PCDHGA2: variants seen among roughly 807,000 people sequenced by gnomAD.
PCDHGA2 encodes the protein protocadherin gamma-A2.
PCDHGA2 carries 40 observed loss-of-function variants against 59.2 expected under a neutral mutation model. The observed-to-expected ratio is 0.68, with a 90% confidence interval of 0.52 to 0.88. The LOEUF (loss-of-function observed/expected upper bound fraction) is 0.88. Ranked by LOEUF, PCDHGA2 falls within the 40% of genes least tolerant of loss-of-function variation. PCDHGA2 has a pLI of 0.00. For missense variants in PCDHGA2, 1,226 were observed against 1,204.0 expected, an observed-to-expected ratio of 1.02 and a Z score of -0.27; for synonymous variants, 560 against 526.0, an observed-to-expected ratio of 1.06 and a Z score of -0.89.
At position 141,408,867 on chromosome 5, in the gene PCDHGA2, G is replaced by T. The variant is rs376342658; in HGVS notation, c.2424+67472G>T. 5.5e-5 allele frequency: 88 copies of T among 1,613,574 alleles called. No homozygotes were observed. The highest frequency in any genetic ancestry group is 6.8e-5 in the Non-Finnish European group (80 of 1,179,830). ...GCCTTGGACGGAGGGGACCCACCAA[G>T]AAGTGCCACCGCTCACATAGAAATT... On this transcript the variant is annotated intron_variant, in intron 1 of 3. Transcript: ENST00000394576.
intron 1 of PCDHGA2, among the ~76,000 whole-genome samples, chr5:141,381,823 C>CTTTCTTTCT (rs1777506241): frequency 9.8e-6 from 1 of 101,610 alleles, no homozygotes; most frequent in African/African-American, 4.3e-5. Context: ...TTTCTTTCTT[C>CTTTCTTTCT]TTCTTTTTTT....
At position 141,490,551 on chromosome 5, in the gene PCDHGA2, T is replaced by C; in HGVS notation, c.2425-4256T>C. On this transcript the variant is annotated intron_variant, in intron 1 of 3. Coordinates refer to ENST00000394576, the MANE Select transcript of PCDHGA2 (RefSeq NM_018915.4). The surrounding 1 kb of genome is among the most constrained non-coding windows in gnomAD (Gnocchi z 5.4). ...CTGGTTCACCTTCCCTACACAAACA[T>C]CTCACCATCAGGCTCAACATTTCAG... 1 of 1,614,088 alleles carries C rather than the reference T, an allele frequency of 6.2e-7. No individual in the cohort carries two copies. The highest frequency in any genetic ancestry group is 1.1e-5 in the South Asian group (1 of 91,086).
chr5:141,383,123 T>C, intron 1 of PCDHGA2: 1 of 1,614,066 alleles, frequency 6.2e-7, no homozygotes, highest in Non-Finnish European at 8.5e-7. Context: ...ACGCAGCTTT[T>C]CGCCCTGAAC....
intron 1 of PCDHGA2, chr5:141,393,118 G>A: frequency 3.7e-6 from 6 of 1,613,472 alleles, no homozygotes; most frequent in Non-Finnish European, 5.1e-6. Flanking sequence ...AGCCCGCGGT[G>A]TCTGATAAAT....
chr5:141,345,531 C>G lies in PCDHGA2; in HGVS notation c.2424+4136C>G, dbSNP rs535264828. ...GACCGAGGACACTCTCCAGGGGGCG[C>G]CCCTGTCCTCCTTCGTCTCTATCAA... On this transcript the variant is annotated intron_variant, in intron 1 of 3. Transcript: ENST00000394576. 112 of 1,614,174 alleles carry G rather than the reference C, an allele frequency of 6.9e-5. 1 individual carries two copies. The highest frequency in any genetic ancestry group is 3.8e-4 in the South Asian group (35 of 91,086).
intron 1 of PCDHGA2, chr5:141,402,869 C>G (rs1051518401): frequency 6.7e-5 from 97 of 1,448,564 alleles, no homozygotes; most frequent in Admixed American, 6.1e-4. Flanking sequence ...GAAAAGATCA[C>G]CATACTTTGC....
chr5:141,453,680 A>G (rs1466590010), intron 1 of PCDHGA2, among the ~76,000 whole-genome samples: 1 of 152,220 alleles, frequency 6.6e-6, no homozygotes, highest in Non-Finnish European at 1.5e-5. Context: ...GTAACACACT[A>G]TGTAGGTAGT....
In PCDHGA2 at chr5:141,477,080, A is replaced by G; in HGVS notation, c.2425-17727A>G. 1.9e-6 allele frequency: 3 copies of G among 1,614,254 alleles called. No homozygotes were observed. The highest frequency in any genetic ancestry group is 2.5e-6 in the Non-Finnish European group (3 of 1,180,042). ...GGACACCAAACTCCATGAGATTTAC[A>G]TCCAGGCCAAAGACAAGGGCGCCAA... On this transcript the variant is annotated intron_variant, in intron 1 of 3. Coordinates refer to ENST00000394576, the MANE Select transcript of PCDHGA2 (RefSeq NM_018915.4). The surrounding 1 kb of genome is among the most constrained non-coding windows in gnomAD (Gnocchi z 4.9).
In PCDHGA2 at chr5:141,477,041, C is replaced by A; in HGVS notation, c.2425-17766C>A. 3 of 1,614,242 alleles carry A rather than the reference C, an allele frequency of 1.9e-6. No individual in the cohort carries two copies. Among genetic ancestry groups the A allele is most frequent in the Admixed American group, 1.7e-5 (1 of 60,036 alleles). Reference sequence around the variant, plus strand: ...AACCGGGATGCTGACAATCAAGGGTCGGCTGGACTTCGAGGACACCAAACT... The same window carrying A: ...AACCGGGATGCTGACAATCAAGGGTAGGCTGGACTTCGAGGACACCAAACT... On this transcript the variant is annotated intron_variant, in intron 1 of 3. Transcript: ENST00000394576. The surrounding 1 kb of genome is among the most constrained non-coding windows in gnomAD (Gnocchi z 4.9).
chr5:141,411,536 A>G (rs1333872781), intron 1 of PCDHGA2: 1 of 152,248 alleles, frequency 6.6e-6, no homozygotes, highest in Admixed American at 6.5e-5. Context: ...GTGAGCCCTG[A>G]TCTTGCCACT....
chr5:141,427,991 C>T (rs748924488), intron 1 of PCDHGA2: 1 of 1,599,024 alleles, frequency 6.3e-7, no homozygotes, highest in Non-Finnish European at 8.6e-7. Context: ...GGCCCGATGG[C>T]TCCGCACTCT....
intron 3 of PCDHGA2, 157 bp downstream of exon 3, chr5:141,505,638 T>C: frequency 1.0e-6 from 1 of 968,044 alleles, no homozygotes; most frequent in Non-Finnish European, 1.2e-6. Context: ...ACATAAAGCC[T>C]GGAATTGTGG....
intron 1 of PCDHGA2, chr5:141,399,617 T>G: frequency 6.2e-7 from 1 of 1,613,944 alleles, no homozygotes; most frequent in Non-Finnish European, 8.5e-7. Flanking sequence ...CCTCTGGCAC[T>G]GGCCTCTTAC....
At chr5:141,361,541 C>A in intron 1 of PCDHGA2, 1 of 1,614,074 alleles carries the variant, frequency 6.2e-7, no homozygotes, top group Non-Finnish European at 8.5e-7. Flanking sequence ...CCTCCTGGCG[C>A]CTCTATCGCT....
At chr5:141,381,878 G>A (rs1777712402) in intron 1 of PCDHGA2, among the ~76,000 whole-genome samples, 2 of 129,172 alleles carry the variant, frequency 1.5e-5, no homozygotes, top group South Asian at 4.9e-4. Flanking sequence ...TGTCCAGGCT[G>A]GAGTGCAATG....
intron 2 of PCDHGA2, among the ~76,000 whole-genome samples, chr5:141,501,526 G>A (rs2099809738): frequency 6.6e-6 from 1 of 151,962 alleles, no homozygotes; most frequent in Non-Finnish European, 1.5e-5. Context: ...CTGAAGCCCA[G>A]TACGTTGTTG....
intron 1 of PCDHGA2, chr5:141,408,865 A>G (rs765751172): frequency 6.2e-7 from 1 of 1,613,684 alleles, no homozygotes. Context: ...GGGACCCACC[A>G]AGAAGTGCCA....
chr5:141,502,750 A>G (rs974131144), intron 2 of PCDHGA2, among the ~76,000 whole-genome samples: 3 of 151,928 alleles, frequency 2.0e-5, no homozygotes, highest in Non-Finnish European at 4.4e-5. Context: ...TTCCTTCTAC[A>G]TGTATTTGCT....
rs775153988 is a variant in PCDHGA2 at position 141,485,268 on chromosome 5, G to A, written c.2425-9539G>A. On this transcript the variant is annotated intron_variant, in intron 1 of 3. Coordinates refer to ENST00000394576, the MANE Select transcript of PCDHGA2 (RefSeq NM_018915.4). This position sits in a 1 kb window ranked among gnomAD's most constrained non-coding sequence, Gnocchi z 5.7. ...CTGGGTTACGTTTGTGGGCAGATCC[G>A]CTACCCGGTCCCAGAGGAGTCACAG... 6.2e-7 allele frequency: 1 copy of A among 1,614,100 alleles called. No homozygotes were observed. Among genetic ancestry groups the A allele is most frequent in the Non-Finnish European group, 8.5e-7 (1 of 1,179,936 alleles).
Sources: allele counts gnomAD v4.1 joint callset (sites outside exome capture counted in the v4.1 genomes callset), GRCh38; gene constraint gnomAD v4.1.1; non-coding constraint Gnocchi (gnomAD v3.1); transcripts MANE v1.5; gene names NCBI Gene and HGNC (gene_info 2026-07-23, HGNC 2026-07-21).